ATP10B: variants seen among roughly 807,000 people sequenced by gnomAD.
The protein encoded by ATP10B is phospholipid-transporting ATPase VB.
Under a neutral mutation model 141.2 loss-of-function variants are expected in ATP10B, and 122 were observed. The ratio of observed to expected loss-of-function variants is 0.86; its 90% CI spans 0.75 to 1.00. The LOEUF (loss-of-function observed/expected upper bound fraction) is 1.00. ATP10B is among the 50% of genes least tolerant of loss of function. ATP10B has a pLI of 0.00. For synonymous variants in ATP10B, 685 were observed against 692.0 expected (o/e 0.99, Z 0.16); for missense variants, 1,876 against 1,825.3 (o/e 1.03, Z -0.51).
intron 6 of ATP10B, among the ~76,000 whole-genome samples, chr5:160,671,280 C>T (rs1762691775): frequency 6.6e-6 from 1 of 151,154 alleles, no homozygotes; most frequent in South Asian, 2.1e-4. Flanking sequence ...TCAGCCCTTG[C>T]TTCCTTAAAA....
chr5:160,828,080 C>A (rs577747484), intron 1 of ATP10B, among the ~76,000 whole-genome samples: 1,655 of 151,700 alleles, frequency 0.011, 17 homozygotes, highest in African/African-American at 0.024. Context: ...TAAAGACTTA[C>A]ACGTTAGACC....
intron 2 of ATP10B, among the ~76,000 whole-genome samples, chr5:160,762,699 G>C (rs886884634): frequency 1.3e-5 from 2 of 151,204 alleles, no homozygotes; most frequent in African/African-American, 4.9e-5. Flanking sequence ...ATAATGAACA[G>C]AACAGTACCT....
intron 6 of ATP10B, among the ~76,000 whole-genome samples, chr5:160,683,659 G>A (rs778262279): frequency 1.3e-5 from 2 of 152,356 alleles, no homozygotes; most frequent in Non-Finnish European, 2.9e-5. Flanking sequence ...CAAAAGGAAT[G>A]AGATGGCCTA....
chr5:160,678,484 C>A (rs995836743), intron 6 of ATP10B, among the ~76,000 whole-genome samples: 5 of 152,102 alleles, frequency 3.3e-5, no homozygotes, highest in Non-Finnish European at 7.4e-5. Flanking sequence ...TATAGTGAAA[C>A]CCCGTCTCTA....
At chr5:160,747,913 C>T (rs777102589) in intron 2 of ATP10B, among the ~76,000 whole-genome samples, 5 of 148,042 alleles carry the variant, frequency 3.4e-5, no homozygotes, top group Non-Finnish European at 7.5e-5. Context: ...TCCCTGTTTG[C>T]CTCAAGTCCA....
chr5:160,899,528 A>ATGCAATTATAAT, the ATP10B span, among the ~76,000 whole-genome samples: 1 of 152,108 alleles, frequency 6.6e-6, no homozygotes, highest in East Asian at 1.9e-4. Context: ...TTAATATTAT[A>ATGCAATTATAAT]TGCAATTATA....
intron 1 of ATP10B, among the ~76,000 whole-genome samples, chr5:160,835,049 A>T (rs945393886): frequency 3.3e-5 from 5 of 152,238 alleles, no homozygotes; most frequent in South Asian, 2.1e-4. Context: ...TAGATTACTG[A>T]TGAGGCTGAA....
chr5:160,808,432 A>G (rs1772933472), intron 1 of ATP10B, among the ~76,000 whole-genome samples: 1 of 152,196 alleles, frequency 6.6e-6, no homozygotes, highest in South Asian at 2.1e-4. Flanking sequence ...GGTGACTTCA[A>G]AACTTTTGTG....
In ATP10B at chr5:160,654,122, G is replaced by T. The variant is rs547494995; in HGVS notation, c.676-4866C>A. On this transcript the variant is annotated intron_variant, in intron 7 of 25. Transcript: ENST00000327245. ...TACGTATATACATATATAAATACGT[G>T]TGTGTGTGTGTATGTATATGTTATA... Among the ~76,000 whole-genome samples, 3 of 149,248 alleles carry T rather than the reference G, an allele frequency of 2.0e-5. No individual in the cohort carries two copies. In the South Asian group the frequency reaches 6.4e-4, roughly 32 times the overall value.
chr5:160,726,938 CG>C (rs1766408894), intron 2 of ATP10B, among the ~76,000 whole-genome samples: 1 of 150,840 alleles, frequency 6.6e-6, no homozygotes, highest in African/African-American at 2.4e-5. Context: ...TGGAAGCCCC[CG>C]GGGGTGGGGT....
intron 7 of ATP10B, among the ~76,000 whole-genome samples, chr5:160,667,151 G>T (rs1466576166): frequency 6.6e-6 from 1 of 152,182 alleles, no homozygotes; most frequent in Non-Finnish European, 1.5e-5. Flanking sequence ...CCGGGAGGCG[G>T]AGCTTGCAGT....
chr5:160,623,745 T>G (rs1482091710), intron 13 of ATP10B, among the ~76,000 whole-genome samples: 1 of 152,210 alleles, frequency 6.6e-6, no homozygotes, highest in East Asian at 1.9e-4. Context: ...CAGAAAAGCT[T>G]CTCTCAGGCA....
chr5:160,736,772 A>T (rs991070962), intron 2 of ATP10B, among the ~76,000 whole-genome samples: 5 of 152,158 alleles, frequency 3.3e-5, no homozygotes, highest in African/African-American at 1.2e-4. Context: ...AAGAAAAAAA[A>T]GTCTACTAGT....
At chr5:160,673,615 G>A (rs1452145371) in intron 6 of ATP10B, among the ~76,000 whole-genome samples, 1 of 151,678 alleles carries the variant, frequency 6.6e-6, no homozygotes, top group Admixed American at 6.6e-5. Flanking sequence ...AATAATAGGG[G>A]CAGTCACCCC....
At chr5:160,814,083 C>T (rs1773393329) in intron 1 of ATP10B, among the ~76,000 whole-genome samples, 1 of 152,198 alleles carries the variant, frequency 6.6e-6, no homozygotes, top group Non-Finnish European at 1.5e-5. Flanking sequence ...CACCTCTCCT[C>T]CTTCGAAGGA....
At chr5:160,691,053 G>GT (rs1299905152) in intron 3 of ATP10B, among the ~76,000 whole-genome samples, 2 of 152,180 alleles carry the variant, frequency 1.3e-5, no homozygotes, top group African/African-American at 2.4e-5. Context: ...CATATACTTT[G>GT]TAGGGACATG....
rs115015344 is a variant in ATP10B, at chr5:160,834,897, C to T, written c.-576+17044G>A. ...GTCCAGAATGAACTTAGTCTGTATG[C>T]ATCTATAGCACCCCTTGACCAGATG... On this transcript the variant is annotated intron_variant, in intron 1 of 25. Coordinates refer to ENST00000327245, the MANE Select transcript of ATP10B (RefSeq NM_025153.3). Among the ~76,000 whole-genome samples, 222 of 152,238 alleles carry T rather than the reference C, an allele frequency of 1.5e-3. 1 individual carries two copies. Among genetic ancestry groups the T allele is most frequent in the African/African-American group, 5.1e-3 (213 of 41,556 alleles).
chr5:160,804,410 T>C (rs1272788188), intron 1 of ATP10B, among the ~76,000 whole-genome samples: 13 of 152,226 alleles, frequency 8.5e-5, no homozygotes, highest in Admixed American at 6.5e-4. Flanking sequence ...ATCTAATAAA[T>C]GAACTTGAGT....
rs1760083601 is a variant in ATP10B at position 160,644,001 on chromosome 5, T to C, written c.868+137A>G. ...GCTGTGATTCCCAGCCTCCGTTTGCTTAGTTGAGAAATGGGAAGTTACATG... is the reference window on the plus strand; with the variant it reads ...GCTGTGATTCCCAGCCTCCGTTTGCCTAGTTGAGAAATGGGAAGTTACATG... On this transcript the variant is annotated intron_variant, in intron 9 of 25. Transcript: ENST00000327245. 22 of 682,964 alleles carry C rather than the reference T, an allele frequency of 3.2e-5. No individual in the cohort carries two copies. In the South Asian group the frequency reaches 3.4e-4, roughly 11 times the overall value. The allele number at this position is 682,964 out of a possible 1,614,324, so 42.3% of individuals were successfully genotyped here.
Sources: gnomAD v4.1 joint callset for allele counts (sites outside exome capture counted in the v4.1 genomes callset) on GRCh38, gnomAD v4.1.1 for gene constraint, MANE v1.5 for transcripts, NCBI Gene and HGNC (gene_info 2026-07-23, HGNC 2026-07-21) for gene names.